GPR155: variants seen among roughly 807,000 people sequenced by gnomAD.
The protein encoded by GPR155 is G protein-coupled receptor 155.
In GPR155, 65 loss-of-function variants were observed where a neutral mutation model predicts 93.1. That is an observed-to-expected ratio of 0.70 (90% CI 0.57 to 0.86). The LOEUF (loss-of-function observed/expected upper bound fraction) is 0.86. Among genes scored for constraint, GPR155 ranks in the 40% least tolerant of loss-of-function variants. The pLI is 0.00. For synonymous variants in GPR155, 319 were observed against 360.1 expected (o/e 0.89, Z 1.29); for missense variants, 838 against 1,034.8 (o/e 0.81, Z 2.61).
At chr2:174,471,907 C>T (rs1688009526) in intron 3 of GPR155, among the ~76,000 whole-genome samples, 1 of 152,132 alleles carries the variant, frequency 6.6e-6, no homozygotes. Context: ...AAATAATTTT[C>T]AGTACTTATA....
intron 2 of GPR155, among the ~76,000 whole-genome samples, chr2:174,478,435 G>T (rs944125240): frequency 3.3e-5 from 5 of 152,094 alleles, no homozygotes; most frequent in African/African-American, 9.7e-5. Flanking sequence ...GTCCAGGATG[G>T]TCTCAAACTC....
chr2:174,450,230 C>G (rs543059376), intron 11 of GPR155, among the ~76,000 whole-genome samples: 1 of 151,718 alleles, frequency 6.6e-6, no homozygotes, highest in Admixed American at 6.6e-5. Flanking sequence ...AAACAGAAAA[C>G]CAAGTGCTGC....
chr2:174,455,793 T>C (rs1156616528), intron 10 of GPR155, among the ~76,000 whole-genome samples: 2 of 152,210 alleles, frequency 1.3e-5, no homozygotes, highest in Non-Finnish European at 2.9e-5. Flanking sequence ...CCAGTACCTT[T>C]GACAAAGAGA....
chr2:174,473,174 G>T lies in GPR155; in HGVS notation c.651C>A (p.Asn217Lys), dbSNP rs747390456. The stretch of plus-strand genomic sequence containing the variant: ...CAATGAAGACCATAAATACTATTGG[G>T]TTCTGTAATACACGCAGGAGTCCGA... ...VGLGLLRVLQNPIVFMVFIGI... is the reference protein window; with the variant it reads ...VGLGLLRVLQKPIVFMVFIGI... The change falls in exon 3 of 16, where the codon AAC becomes AAA. Residue 217 changes from asparagine to lysine, a missense_variant. Asn to Lys is a moderately conservative substitution (Grantham distance 94, BLOSUM62 0). Around this residue, in one of 3 missense-constraint regions of GPR155, gnomAD observed 663 missense variants for 790.1 expected, o/e 0.84. Transcript: ENST00000392552. 2 of 1,612,982 alleles carry T rather than the reference G, an allele frequency of 1.2e-6. No individual in the cohort carries two copies. Among genetic ancestry groups the T allele is most frequent in the Non-Finnish European group, 1.7e-6 (2 of 1,179,248 alleles).
chr2:174,484,230 C>A (rs1256555637), intron 1 of GPR155, among the ~76,000 whole-genome samples: 1 of 152,158 alleles, frequency 6.6e-6, no homozygotes, highest in East Asian at 1.9e-4. Context: ...TTGAAGTTTA[C>A]CAAATAAGCA....
chr2:174,460,225 A>G (rs907073637), intron 9 of GPR155, 137 bp from the exon 10 acceptor site: 6 of 578,532 alleles, frequency 1.0e-5, no homozygotes, highest in Non-Finnish European at 1.8e-5. Flanking sequence ...CAGTGACACA[A>G]TCTCGGCTCA....
chr2:174,460,213 T>G, intron 9 of GPR155, 125 bp from the exon 10 acceptor site: 3 of 605,736 alleles, frequency 5.0e-6, no homozygotes. Flanking sequence ...CAGGCTGGAG[T>G]GCAGTGACAC....
rs745523724 is a variant in GPR155 at position 174,433,502 on chromosome 2, G to A, written c.*2614C>T. 6.6e-6 allele frequency: 1 copy of A among 152,238 alleles called. No homozygotes were observed. Among genetic ancestry groups the A allele is most frequent in the Non-Finnish European group, 1.5e-5 (1 of 68,042 alleles). The allele number at this position is 152,238 out of a possible 1,614,324, so 9.4% of individuals were successfully genotyped here. A position where few individuals can be genotyped will look rare whatever the true frequency, so the allele number is the denominator to read the frequency against. ...AGTTATTTGTTAAATGAACATTCAA[G>A]TACTGATGGGAAGAATTTACACAGC... On this transcript the variant is annotated 3_prime_UTR_variant, in exon 16 of 16. Transcript: ENST00000392552.
chr2:174,474,326 C>A (rs995255827), intron 2 of GPR155, among the ~76,000 whole-genome samples: 1 of 152,130 alleles, frequency 6.6e-6, no homozygotes, highest in Non-Finnish European at 1.5e-5. Flanking sequence ...AAATGAACAA[C>A]CTCCATTTGA....
intron 1 of GPR155, 26 bp from the exon 2 acceptor site, chr2:174,482,013 GTA>G: frequency 8.5e-7 from 1 of 1,176,218 alleles, no homozygotes; most frequent in East Asian, 2.3e-5. Context: ...GAAAGATTCA[GTA>G]TGGCCATCAA....
At chr2:174,438,142 C>T (rs1372882647) in intron 15 of GPR155, among the ~76,000 whole-genome samples, 1 of 151,992 alleles carries the variant, frequency 6.6e-6, no homozygotes, top group African/African-American at 2.4e-5. Flanking sequence ...CCTGTAGTTC[C>T]AGCTTCTCAG....
At chr2:174,476,164 C>T (rs1688161070) in intron 2 of GPR155, among the ~76,000 whole-genome samples, 1 of 152,216 alleles carries the variant, frequency 6.6e-6, no homozygotes, top group African/African-American at 2.4e-5. Flanking sequence ...AATTAGATTA[C>T]TTCATGTGTT....
At chr2:174,441,968 G>T in intron 14 of GPR155, 151 bp downstream of exon 14, 1 of 573,132 alleles carries the variant, frequency 1.7e-6, no homozygotes, top group Non-Finnish European at 3.2e-6. Flanking sequence ...GGCTGGTCTT[G>T]AACTCCTGAG....
chr2:174,448,306 C>G (rs1335646994), intron 11 of GPR155, among the ~76,000 whole-genome samples: 1 of 152,022 alleles, frequency 6.6e-6, no homozygotes, highest in Non-Finnish European at 1.5e-5. Context: ...AACCTGGGAG[C>G]AGAGGTTACA....
intron 10 of GPR155, among the ~76,000 whole-genome samples, chr2:174,459,100 C>T (rs534646321): frequency 6.6e-6 from 1 of 152,050 alleles, no homozygotes; most frequent in East Asian, 1.9e-4. Flanking sequence ...AATAAATAAA[C>T]AAACAAAGAA....
intron 3 of GPR155, 150 bp from the exon 4 acceptor site, chr2:174,470,705 C>A: frequency 1.8e-6 from 1 of 562,142 alleles, no homozygotes; most frequent in South Asian, 3.1e-5. Flanking sequence ...TACCTGGGCA[C>A]ATTTTGTTGA....
At chr2:174,456,266 T>C (rs1337055981) in intron 10 of GPR155, among the ~76,000 whole-genome samples, 1 of 151,978 alleles carries the variant, frequency 6.6e-6, no homozygotes, top group Non-Finnish European at 1.5e-5. Context: ...CATGGGAACT[T>C]ACCTATTTCC....
In GPR155 at chr2:174,439,909, G is replaced by T; in HGVS notation, c.2301C>A (p.Val767=). ...YHRDLCIRNI[V]KERRCGAKTS... ...GGCACTTTGCTTACCTTCTTTCTTT[G>T]ACAATGTTTCGGATACAGAGGTCAC... The change falls in exon 15 of 16, where the codon GTC becomes GTA. Residue 767 remains valine (V), a synonymous_variant. Transcript: ENST00000392552. The T allele has an allele frequency of 1.2e-6, 2 of 1,612,158 alleles. No homozygotes were observed. The highest frequency in any genetic ancestry group is 2.2e-5 in the East Asian group (1 of 44,782).
intron 11 of GPR155, among the ~76,000 whole-genome samples, chr2:174,449,847 G>T (rs958893090): frequency 2.6e-5 from 4 of 152,084 alleles, no homozygotes; most frequent in African/African-American, 9.7e-5. Flanking sequence ...ATGGTGGCAG[G>T]TGCCTGTAGT....
Sources: allele counts gnomAD v4.1 joint callset (sites outside exome capture counted in the v4.1 genomes callset), GRCh38; gene constraint gnomAD v4.1.1; regional missense constraint gnomAD v4.1.1; transcripts MANE v1.5; gene names NCBI Gene and HGNC (gene_info 2026-07-23, HGNC 2026-07-21).